TMEM245: variants seen among roughly 807,000 people sequenced by gnomAD.
TMEM245 encodes protein CG-2.
A neutral mutation model predicts 101.2 loss-of-function variants in TMEM245; 69 were observed. The ratio of observed to expected loss-of-function variants is 0.68; its 90% CI spans 0.56 to 0.83. The LOEUF (loss-of-function observed/expected upper bound fraction) is 0.83. Ranked by LOEUF, TMEM245 falls within the 40% of genes least tolerant of loss-of-function variation. The pLI is 0.00. For missense variants in TMEM245, 1,075 were observed against 1,092.8 expected, an observed-to-expected ratio of 0.98 and a Z score of 0.23; for synonymous variants, 537 against 449.8, an observed-to-expected ratio of 1.19 and a Z score of -2.45.
rs750453952 is a variant in TMEM245 at position 109,064,516 on chromosome 9, G to A, written c.1584C>T (p.Asn528=). The A allele has an allele frequency of 6.2e-7, 1 of 1,613,998 alleles. No individual in the cohort carries two copies. Among genetic ancestry groups the A allele is most frequent in the Non-Finnish European group, 8.5e-7 (1 of 1,179,890 alleles). ...ATTCTCGTCCATACTGATACACGTTGTTAGCCGCAGAATTCAGGGCTCTTT... is the reference window on the plus strand; with the variant it reads ...ATTCTCGTCCATACTGATACACGTTATTAGCCGCAGAATTCAGGGCTCTTT... ...VVQRALNSAA[N]NVYQYGREWI... The change falls in exon 10 of 18, where the codon AAC becomes AAT. Residue 528 remains asparagine, a synonymous_variant. Coordinates refer to ENST00000374586, the MANE Select transcript of TMEM245 (RefSeq NM_032012.4).
chr9:109,114,503 T>C (rs1162065672), intron 1 of TMEM245, among the ~76,000 whole-genome samples: 3 of 152,228 alleles, frequency 2.0e-5, no homozygotes, highest in Non-Finnish European at 2.9e-5. Flanking sequence ...AGGAGGGCCC[T>C]GGTCTGCCCA....
intron 12 of TMEM245, among the ~76,000 whole-genome samples, chr9:109,054,183 C>G (rs911909077): frequency 1.3e-5 from 2 of 152,032 alleles, no homozygotes; most frequent in Non-Finnish European, 2.9e-5. Context: ...ATTTAAAAAT[C>G]AGCTGGGTGT....
At position 109,112,938 on chromosome 9, in the gene TMEM245, T is replaced by C. The variant is rs369325408; in HGVS notation, c.580-4368A>G. Among the ~76,000 whole-genome samples the C allele has an allele frequency of 7.8e-4, 118 of 152,172 alleles. 2 individuals are homozygous for C. In the East Asian group the frequency reaches 0.015, roughly 19 times the overall value. ...TAAAAATACAAAAATTAGCTGGGCA[T>C]GGTGGCAGATGCCTGTAGTCCCAGC... On this transcript the variant is annotated intron_variant, in intron 1 of 17. Transcript: ENST00000374586.
chr9:109,111,906 G>A (rs1405905648), intron 1 of TMEM245, among the ~76,000 whole-genome samples: 1 of 152,096 alleles, frequency 6.6e-6, no homozygotes, highest in African/African-American at 2.4e-5. Context: ...TATTACAGGT[G>A]CTCAATTTTC....
chr9:109,076,676 T>C (rs765414311), intron 8 of TMEM245, among the ~76,000 whole-genome samples: 26 of 152,232 alleles, frequency 1.7e-4, no homozygotes, highest in Admixed American at 4.6e-4. Flanking sequence ...ATTTTTAATT[T>C]AATTCTGTGT....
chr9:109,108,465 G>C lies in TMEM245; in HGVS notation c.685C>G (p.Leu229Val), dbSNP rs991887822. ...AGAAGGAACCCACCTAAATGAAAAA[G>C]CAATATAATCCAGACAGGAATTGAA... ...AVSIPVWIILLFHLASLAGSW... is the reference protein window; with the variant it reads ...AVSIPVWIILVFHLASLAGSW... The change falls in exon 2 of 18, where the codon CTT becomes GTT. Residue 229 changes from leucine (L) to valine (V), a missense_variant. Physicochemically the swap from Leu to Val is conservative, Grantham distance 32 (BLOSUM62 1). This residue lies in a region of TMEM245 where 808 missense variants were observed against 741.5 expected (regional missense o/e 1.09). Coordinates refer to ENST00000374586, the MANE Select transcript of TMEM245 (RefSeq NM_032012.4). 1.4e-6 allele frequency: 2 copies of C among 1,435,844 alleles called. No individual in the cohort carries two copies. The highest frequency in any genetic ancestry group is 1.9e-6 in the Non-Finnish European group (2 of 1,077,282). 88.9% of individuals were successfully genotyped at this position (1,435,844 alleles called of 1,614,324 possible). A position where few individuals can be genotyped will look rare whatever the true frequency, so the allele number is the denominator to read the frequency against.
chr9:109,091,410 A>C (rs1025429686), intron 4 of TMEM245, among the ~76,000 whole-genome samples: 4 of 152,250 alleles, frequency 2.6e-5, no homozygotes, highest in African/African-American at 9.6e-5. Flanking sequence ...GGAGTCATTA[A>C]AACAAAATAC....
At chr9:109,080,389 C>G (rs1364834128) in intron 8 of TMEM245, among the ~76,000 whole-genome samples, 1 of 151,836 alleles carries the variant, frequency 6.6e-6, no homozygotes, top group Non-Finnish European at 1.5e-5. Flanking sequence ...GAAATGTAAG[C>G]TGGAAGGACC....
At chr9:109,041,893 G>GC (rs1828320289) in intron 14 of TMEM245, among the ~76,000 whole-genome samples, 1 of 152,030 alleles carries the variant, frequency 6.6e-6, no homozygotes, top group Non-Finnish European at 1.5e-5. Context: ...CGCTGTCAGA[G>GC]GCCGAAGCAG....
intron 10 of TMEM245, among the ~76,000 whole-genome samples, chr9:109,063,032 T>C (rs539076271): frequency 1.3e-5 from 2 of 152,284 alleles, no homozygotes; most frequent in East Asian, 1.9e-4. Context: ...GTGCCTGATA[T>C]GCCTCTGCAT....
At chr9:109,025,885 C>CA (rs1479829367) in intron 17 of TMEM245, among the ~76,000 whole-genome samples, 1 of 152,218 alleles carries the variant, frequency 6.6e-6, no homozygotes, top group East Asian at 1.9e-4. Flanking sequence ...TCACTATCAA[C>CA]AGTGAGCAGC....
At chr9:109,033,652 C>G in intron 16 of TMEM245, 151 bp from the exon 17 acceptor site, 1 of 622,754 alleles carries the variant, frequency 1.6e-6, no homozygotes, top group Non-Finnish European at 2.5e-6. Flanking sequence ...TGAACACTGA[C>G]TGCAATAATA....
intron 14 of TMEM245, chr9:109,038,800 A>T (rs1352778320): frequency 6.6e-6 from 1 of 152,296 alleles, no homozygotes; most frequent in African/African-American, 2.4e-5. Flanking sequence ...TAATATAGGA[A>T]TTCAATACAT....
At chr9:109,096,569 A>C (rs1830146417) in intron 3 of TMEM245, among the ~76,000 whole-genome samples, 1 of 152,252 alleles carries the variant, frequency 6.6e-6, no homozygotes, top group Non-Finnish European at 1.5e-5. Flanking sequence ...GGCAAGACTT[A>C]GCTTTGCAGC....
intron 8 of TMEM245, among the ~76,000 whole-genome samples, chr9:109,076,392 G>T (rs13288244): frequency 1.9e-5 from 2 of 108,100 alleles, no homozygotes; most frequent in African/African-American, 3.4e-5. Flanking sequence ...GGGTGGGGGG[G>T]AGGGGGGAGG....
chr9:109,087,776 G>A (rs866385658), intron 5 of TMEM245, among the ~76,000 whole-genome samples: 5 of 152,058 alleles, frequency 3.3e-5, no homozygotes, highest in Admixed American at 6.5e-5. Flanking sequence ...TTAGTTGCTC[G>A]TTATTTAGTG....
chr9:109,039,212 C>T (rs1389936394), intron 14 of TMEM245: 3 of 152,034 alleles, frequency 2.0e-5, no homozygotes, highest in Non-Finnish European at 4.4e-5. Flanking sequence ...AGTGGCTCCC[C>T]AATTGTAAAA....
chr9:109,085,360 T>C lies in TMEM245; in HGVS notation c.1344+637A>G, dbSNP rs190999172. Among the ~76,000 whole-genome samples, 486 of 152,376 alleles carry C rather than the reference T, an allele frequency of 3.2e-3. 13 individuals carry two copies. The highest frequency in any genetic ancestry group is 0.03 in the Admixed American group (457 of 15,300). ...CCTAATGTATCTGGATTAGCCTTTA[T>C]TGAAGTTATTAAAAGTGTGCCTATT... On this transcript the variant is annotated intron_variant, in intron 7 of 17. Coordinates refer to ENST00000374586, the MANE Select transcript of TMEM245 (RefSeq NM_032012.4).
intron 15 of TMEM245, among the ~76,000 whole-genome samples, chr9:109,036,981 G>A (rs919614691): frequency 4.6e-5 from 7 of 152,158 alleles, no homozygotes; most frequent in African/African-American, 9.7e-5. Flanking sequence ...CTACCATCCC[G>A]CCTCACAGGG....
Sources: allele counts gnomAD v4.1 joint callset (sites outside exome capture counted in the v4.1 genomes callset), GRCh38; gene constraint gnomAD v4.1.1; regional missense constraint gnomAD v4.1.1; transcripts MANE v1.5; gene names NCBI Gene and HGNC (gene_info 2026-07-23, HGNC 2026-07-21).